The following PCLO variants were observed in gnomAD, a reference collection of about 807,000 sequenced individuals.
The protein encoded by PCLO is piccolo presynaptic cytomatrix protein.
Under a neutral mutation model 427.5 loss-of-function variants are expected in PCLO, and 82 were observed. That is an observed-to-expected ratio of 0.19 (90% CI 0.16 to 0.23). The LOEUF is 0.23. Among genes scored for constraint, PCLO ranks in the 10% least tolerant of loss-of-function variants. The pLI is 1.00. For missense variants in PCLO, 6,239 were observed against 6,115.9 expected (o/e 1.02, Z -0.67); for synonymous variants, 2,357 against 2,155.4 (o/e 1.09, Z -2.59).
At chr7:83,024,585 G>C (rs973558316) in intron 3 of PCLO, among the ~76,000 whole-genome samples, 8 of 152,286 alleles carry the variant, frequency 5.3e-5, no homozygotes, top group East Asian at 1.9e-4. Flanking sequence ...CAGGAAGCTC[G>C]AACTGGGTGG....
At chr7:83,023,657 G>A (rs1311729812) in intron 3 of PCLO, among the ~76,000 whole-genome samples, 1 of 152,164 alleles carries the variant, frequency 6.6e-6, no homozygotes, top group South Asian at 2.1e-4. Flanking sequence ...CAGTATTTTT[G>A]CTTGCCCCCC....
chr7:82,907,348 G>C (rs546593664), intron 8 of PCLO, among the ~76,000 whole-genome samples: 2 of 151,982 alleles, frequency 1.3e-5, no homozygotes, highest in Non-Finnish European at 2.9e-5. Context: ...CTAAACTTCA[G>C]AGAAACAAAT....
At chr7:82,861,488 C>T (rs1396788211) in intron 10 of PCLO, among the ~76,000 whole-genome samples, 1 of 151,926 alleles carries the variant, frequency 6.6e-6, no homozygotes, top group African/African-American at 2.4e-5. Context: ...CTGGATTACC[C>T]AGATATGTAA....
chr7:82,761,620 C>G, intron 22 of PCLO, 127 bp from the exon 23 acceptor site: 1 of 623,370 alleles, frequency 1.6e-6, no homozygotes, highest in Admixed American at 3.2e-5. Context: ...ATCCTAAGTG[C>G]TAAATATCTT....
intron 3 of PCLO, among the ~76,000 whole-genome samples, chr7:83,085,071 C>T (rs963684965): frequency 1.3e-5 from 2 of 152,032 alleles, no homozygotes; most frequent in Non-Finnish European, 2.9e-5. Context: ...GTGTGCTTAT[C>T]GTGGTTGGCT....
chr7:82,959,022 C>G (rs1795596893), intron 4 of PCLO, among the ~76,000 whole-genome samples: 2 of 152,090 alleles, frequency 1.3e-5, no homozygotes, highest in African/African-American at 4.8e-5. Context: ...AGAAAATGAT[C>G]TTTCACAATC....
intron 8 of PCLO, among the ~76,000 whole-genome samples, chr7:82,906,833 A>G (rs574499213): frequency 6.6e-6 from 1 of 152,146 alleles, no homozygotes; most frequent in South Asian, 2.1e-4. Flanking sequence ...GTAAAATATT[A>G]TACAAATGTA....
At chr7:82,987,017 T>C (rs10256459) in intron 3 of PCLO, among the ~76,000 whole-genome samples, 4,303 of 151,970 alleles carry the variant, frequency 0.028, 210 homozygotes, top group African/African-American at 0.098. Flanking sequence ...TGAACTATTA[T>C]AAAGGGAAGC....
In PCLO at chr7:83,135,070, T is replaced by A. The variant is rs1791684489; in HGVS notation, c.2480A>T (p.Asp827Val). The A allele has an allele frequency of 6.2e-7, 1 of 1,613,818 alleles. No individual in the cohort carries two copies. The highest frequency in any genetic ancestry group is 1.3e-5 in the African/African-American group (1 of 74,888). Residue 827 changes from aspartate to valine, a missense_variant, in exon 3 of 25, where the codon GAT becomes GTT. This residue lies in a region of PCLO where 4,677 missense variants were observed against 4,468.4 expected (regional missense o/e 1.05). Transcript: ENST00000333891. ...DSKAIPRPAS[D>V]SKIISHPGPS... ...ACCAGGATGTGAAATAATTTTTGAA[T>A]CTGATGCAGGTCGAGGTATGGCTTT...
chr7:82,840,029 T>C (rs1487971938), intron 14 of PCLO, among the ~76,000 whole-genome samples: 2 of 151,408 alleles, frequency 1.3e-5, no homozygotes, highest in Non-Finnish European at 2.9e-5. Flanking sequence ...CAAAATAAAA[T>C]TAGAAAAAAC....
At chr7:83,083,747 T>A (rs1202045251) in intron 3 of PCLO, among the ~76,000 whole-genome samples, 6 of 152,132 alleles carry the variant, frequency 3.9e-5, no homozygotes, top group Non-Finnish European at 8.8e-5. Context: ...GTTGCTGTCA[T>A]GACTTCAGAC....
At chr7:83,078,137 C>A (rs928304008) in intron 3 of PCLO, among the ~76,000 whole-genome samples, 5 of 152,166 alleles carry the variant, frequency 3.3e-5, no homozygotes, top group Non-Finnish European at 5.9e-5. Flanking sequence ...TCATTAAATT[C>A]TCAAATATAA....
At position 82,965,989 on chromosome 7, in the gene PCLO, A is replaced by G. The variant is rs775222833; in HGVS notation, c.3799T>C (p.Ser1267Pro). The G allele has an allele frequency of 1.2e-6, 2 of 1,613,688 alleles. No homozygotes were observed. Among genetic ancestry groups the G allele is most frequent in the Non-Finnish European group, 1.7e-6 (2 of 1,179,836 alleles). The part of the protein sequence containing the change: ...PEEQKHDLLK[S>P]QVQIAEEKLE... ...TTTTCTTCAGCAATTTGTACTTGAGATTTAAGTAAGTCATGTTTCTGTTCT... is the reference window on the plus strand; with the variant it reads ...TTTTCTTCAGCAATTTGTACTTGAGGTTTAAGTAAGTCATGTTTCTGTTCT... The change falls in exon 4 of 25, where the codon TCT (serine) becomes CCT (proline). Residue 1267 changes from serine to proline, a missense_variant. Around this residue, in one of 5 missense-constraint regions of PCLO, gnomAD observed 4,677 missense variants for 4,468.4 expected, o/e 1.05. Transcript: ENST00000333891.
intron 22 of PCLO, among the ~76,000 whole-genome samples, chr7:82,762,902 A>G (rs1790460321): frequency 6.6e-6 from 1 of 151,904 alleles, no homozygotes; most frequent in South Asian, 2.1e-4. Context: ...TTGGCCTTAC[A>G]AAGTGCTGGG....
At position 82,955,558 on chromosome 7, in the gene PCLO, G is replaced by C. The variant is rs764821486; in HGVS notation, c.5395C>G (p.Gln1799Glu). ...GATTTTTTACTAGAACTCTTTCTTT[G>C]TTGCTGTTCTATTTCCCTCTGCTTT... is the stretch of plus-strand genomic sequence containing the variant. ...QEKQREIEQQ[Q>E]RKSSSKKSKK... Residue 1799 changes from glutamine to glutamate, a missense_variant, in exon 5 of 25, where the codon CAA (glutamine) becomes GAA (glutamate). Physicochemically the swap from Gln to Glu is conservative, Grantham distance 29. Coordinates refer to ENST00000333891, the MANE Select transcript of PCLO (RefSeq NM_033026.6). 6.2e-7 allele frequency: 1 copy of C among 1,613,866 alleles called. No homozygotes were observed. The highest frequency in any genetic ancestry group is 2.2e-5 in the East Asian group (1 of 44,866).
At chr7:82,899,238 T>C (rs1036871622) in intron 9 of PCLO, among the ~76,000 whole-genome samples, 3 of 151,482 alleles carry the variant, frequency 2.0e-5, no homozygotes, top group Admixed American at 1.3e-4. Context: ...AAATCCTTAA[T>C]ATTACCAAAT....
intron 3 of PCLO, among the ~76,000 whole-genome samples, chr7:83,066,002 AT>A (rs1251589505): frequency 6.6e-6 from 1 of 152,202 alleles, no homozygotes; most frequent in East Asian, 1.9e-4. Flanking sequence ...GTATTCATCC[AT>A]GTTTCTGGGA....
intron 3 of PCLO, among the ~76,000 whole-genome samples, chr7:82,999,384 TC>T (rs1452057962): frequency 4.2e-4 from 49 of 116,104 alleles, no homozygotes; most frequent in African/African-American, 1.6e-3. Flanking sequence ...TACATATTAT[TC>T]CATTATATAA....
At chr7:82,921,789 C>G (rs762525076) in intron 6 of PCLO, among the ~76,000 whole-genome samples, 1 of 151,708 alleles carries the variant, frequency 6.6e-6, no homozygotes, top group Non-Finnish European at 1.5e-5. Flanking sequence ...AAACTATCAA[C>G]AGAGTGACAG....
Sources: gnomAD v4.1 joint callset for allele counts (sites outside exome capture counted in the v4.1 genomes callset) on GRCh38, gnomAD v4.1.1 for gene constraint, gnomAD v4.1.1 regional missense constraint, MANE v1.5 for transcripts, NCBI Gene and HGNC (gene_info 2026-07-23, HGNC 2026-07-21) for gene names.